PRKG1: variants seen among roughly 807,000 people sequenced by gnomAD.
PRKG1 encodes the protein protein kinase cGMP-dependent 1.
PRKG1 carries 35 observed loss-of-function variants against 88.1 expected under a neutral mutation model. The observed-to-expected ratio is 0.40, with a 90% CI of 0.30 to 0.53. The LOEUF (loss-of-function observed/expected upper bound fraction) is 0.53, where lower values mean the gene tolerates loss of function less well. Ranked by LOEUF, PRKG1 falls within the 20% of genes least tolerant of loss-of-function variation. PRKG1 has a pLI of 0.59. For synonymous variants in PRKG1, 303 were observed against 292.5 expected (o/e 1.04, Z -0.37); for missense variants, 540 against 839.8 (o/e 0.64, Z 4.41).
intron 2 of PRKG1, among the ~76,000 whole-genome samples, chr10:51,455,830 G>T (rs1228263946): frequency 6.6e-6 from 1 of 152,094 alleles, no homozygotes; most frequent in African/African-American, 2.4e-5. Context: ...CAAGTCTCTA[G>T]GAAGTTCCAA....
At chr10:51,187,569 A>C (rs1837524980) in intron 2 of PRKG1, among the ~76,000 whole-genome samples, 1 of 151,962 alleles carries the variant, frequency 6.6e-6, no homozygotes. Context: ...TTGGCTGTTA[A>C]GTGAATAGCT....
chr10:51,752,711 G>A (rs1029115671), intron 3 of PRKG1, among the ~76,000 whole-genome samples: 2 of 152,080 alleles, frequency 1.3e-5, no homozygotes, highest in Non-Finnish European at 2.9e-5. Flanking sequence ...CTGTGAAGGA[G>A]GGGTTCGAAA....
At chr10:51,596,207 G>C (rs1207014826) in intron 3 of PRKG1, among the ~76,000 whole-genome samples, 1 of 152,092 alleles carries the variant, frequency 6.6e-6, no homozygotes, top group Non-Finnish European at 1.5e-5. Flanking sequence ...GTATCTTTTT[G>C]CTGAATATTT....
chr10:52,116,145 A>G (rs555287212), intron 7 of PRKG1, among the ~76,000 whole-genome samples: 15 of 152,280 alleles, frequency 9.9e-5, no homozygotes, highest in African/African-American at 3.1e-4. Context: ...ATGATTGGCT[A>G]AGATTTGGCT....
intron 5 of PRKG1, among the ~76,000 whole-genome samples, chr10:51,912,018 T>C (rs1842229284): frequency 6.6e-6 from 1 of 152,168 alleles, no homozygotes; most frequent in Non-Finnish European, 1.5e-5. Flanking sequence ...AAGGATACTA[T>C]GATAAGGAAG....
chr10:51,258,903 TTAGTGC>T (rs1192891969), intron 2 of PRKG1, among the ~76,000 whole-genome samples: 18 of 152,324 alleles, frequency 1.2e-4, no homozygotes, highest in African/African-American at 3.8e-4. Flanking sequence ...GTGAGTCCCT[TTAGTGC>T]TAGCCAGATC....
In PRKG1 at chr10:51,858,361, T is replaced by A. The variant is rs1173060021; in HGVS notation, c.699-49146T>A. Among the ~76,000 whole-genome samples the A allele has an allele frequency of 3.8e-4, 12 of 31,246 alleles. 2 individuals carry two copies. Among genetic ancestry groups the A allele is most frequent in the African/African-American group, 8.2e-4 (9 of 10,916 alleles). 20.5% of individuals were successfully genotyped at this position (31,246 alleles called of 152,430 possible). On this transcript the variant is annotated intron_variant, in intron 4 of 17. Transcript: ENST00000373980. ...TATATATTATATAAAATATATATAT[T>A]ATATATAATATATATAAAATATATA... is the stretch of plus-strand genomic sequence containing the variant.
chr10:52,007,265 C>T (rs1844760979), intron 5 of PRKG1, among the ~76,000 whole-genome samples: 1 of 152,076 alleles, frequency 6.6e-6, no homozygotes, highest in Non-Finnish European at 1.5e-5. Flanking sequence ...GGATCAAATC[C>T]ACATGTATCA....
rs113778005 is a variant in PRKG1, at chr10:51,716,307, A to C, written c.593-88278A>C. On this transcript the variant is annotated intron_variant, in intron 3 of 17. Coordinates refer to ENST00000373980, the MANE Select transcript of PRKG1 (RefSeq NM_006258.4). ...CGTCACCCCTGTTTTTGATAATTGT[A>C]CTGGAGGATATTTGAGTGTCTTCAT... Among the ~76,000 whole-genome samples the C allele has an allele frequency of 3.7e-3, 565 of 152,238 alleles. 4 individuals carry two copies. Among genetic ancestry groups the C allele is most frequent in the African/African-American group, 0.013 (550 of 41,550 alleles).
At chr10:52,156,571 G>C (rs903851209) in intron 8 of PRKG1, among the ~76,000 whole-genome samples, 1 of 151,688 alleles carries the variant, frequency 6.6e-6, no homozygotes, top group South Asian at 2.1e-4. Context: ...ATATGGATGT[G>C]GCTGGTTTTA....
intron 2 of PRKG1, among the ~76,000 whole-genome samples, chr10:51,178,362 G>A (rs1472580130): frequency 6.6e-6 from 1 of 152,060 alleles, no homozygotes; most frequent in Non-Finnish European, 1.5e-5. Context: ...TATTGGGCTG[G>A]GCGCGGTGGC....
chr10:51,407,196 T>G (rs1255934759), intron 2 of PRKG1, among the ~76,000 whole-genome samples: 2 of 152,152 alleles, frequency 1.3e-5, no homozygotes, highest in Non-Finnish European at 2.9e-5. Context: ...CATCCTTCAA[T>G]CCAATCAAGT....
chr10:51,929,486 G>T (rs957628038), intron 5 of PRKG1, among the ~76,000 whole-genome samples: 1 of 151,836 alleles, frequency 6.6e-6, no homozygotes, highest in Non-Finnish European at 1.5e-5. Flanking sequence ...GAGTAGCTGG[G>T]ATTACAGGCA....
chr10:52,000,149 A>T (rs1372493983), intron 5 of PRKG1, among the ~76,000 whole-genome samples: 1 of 152,008 alleles, frequency 6.6e-6, no homozygotes, highest in Non-Finnish European at 1.5e-5. Context: ...TTTATGGGAG[A>T]TAATAAAAAA....
chr10:51,286,246 C>T (rs982610326), intron 2 of PRKG1, among the ~76,000 whole-genome samples: 19 of 152,150 alleles, frequency 1.2e-4, no homozygotes, highest in Admixed American at 4.6e-4. Flanking sequence ...GCTGGGATTA[C>T]GGACATGAGC....
Position 52,177,937 on chromosome 10 carries a change from AC to A in PRKG1, c.1076+15975del, listed in dbSNP as rs1285950329. On this transcript the variant is annotated intron_variant, in intron 9 of 17. Coordinates refer to ENST00000373980, the MANE Select transcript of PRKG1 (RefSeq NM_006258.4). ...TGATTTTGCATATCTTTTCAAAAAA[AC>A]AACTTTTTGTTTTATTGAGTTTTGC... Among the ~76,000 whole-genome samples the A allele has an allele frequency of 2.0e-5, 3 of 150,404 alleles. No homozygotes were observed. In the East Asian group the frequency reaches 5.8e-4, roughly 29 times the overall value.
In PRKG1 at chr10:52,054,454, AT is replaced by A. The variant is rs758322012; in HGVS notation, c.763-22del. ...TGTTTGGTAACTTACTGCTTGCTTA[AT>A]TTTTTTTCTTATTGTTTCTACTTTT... On this transcript the variant is annotated intron_variant, in intron 5 of 17. Coordinates refer to ENST00000373980, the MANE Select transcript of PRKG1 (RefSeq NM_006258.4). 23 of 1,566,802 alleles carry A rather than the reference AT, an allele frequency of 1.5e-5. 1 individual carries two copies. The East Asian group carries it at 2.5e-4, about 17-fold the overall frequency.
chr10:51,877,460 T>C (rs1275298679), intron 4 of PRKG1, among the ~76,000 whole-genome samples: 2 of 152,216 alleles, frequency 1.3e-5, no homozygotes, highest in Admixed American at 6.5e-5. Flanking sequence ...CAGGTACAAT[T>C]TGTTGAGCAG....
intron 2 of PRKG1, among the ~76,000 whole-genome samples, chr10:51,254,955 G>A (rs113001692): frequency 0.021 from 3,122 of 152,030 alleles, 43 homozygotes; most frequent in Middle Eastern, 0.044. Context: ...AAATAATAAC[G>A]TCGATTTTGT....
Sources: allele counts gnomAD v4.1 joint callset (sites outside exome capture counted in the v4.1 genomes callset), GRCh38; gene constraint gnomAD v4.1.1; transcripts MANE v1.5; gene names NCBI Gene and HGNC (gene_info 2026-07-23, HGNC 2026-07-21).